RIN3: variants seen among roughly 807,000 people sequenced by gnomAD.
RIN3 encodes the protein RAB5 interacting protein 3.
RIN3 carries 54 observed loss-of-function variants against 76.3 expected under a neutral mutation model. That is an observed-to-expected ratio of 0.71 (90% confidence interval 0.57 to 0.89). The LOEUF (loss-of-function observed/expected upper bound fraction) is 0.89. Among genes scored for constraint, RIN3 ranks in the 40% least tolerant of loss-of-function variants. The pLI, the probability that RIN3 is intolerant of heterozygous loss-of-function variation, is 0.00. For missense variants in RIN3, 1,256 were observed against 1,322.1 expected (o/e 0.95, Z 0.78); for synonymous variants, 576 against 564.0 (o/e 1.02, Z -0.30).
At chr14:92,606,021 C>CCCTATT (rs1885514288) in intron 3 of RIN3, among the ~76,000 whole-genome samples, 1 of 151,648 alleles carries the variant, frequency 6.6e-6, no homozygotes, top group Admixed American at 6.6e-5. Context: ...GATGAAAAGA[C>CCCTATT]AAGGTCAGAT....
chr14:92,674,349 T>C (rs879720939), intron 7 of RIN3, among the ~76,000 whole-genome samples: 13 of 152,194 alleles, frequency 8.5e-5, no homozygotes, highest in Non-Finnish European at 5.9e-5. Flanking sequence ...AGCAGCCTCA[T>C]TGTTACAAGG....
At chr14:92,641,439 A>G in intron 5 of RIN3, 110 bp downstream of exon 5, 1 of 760,856 alleles carries the variant, frequency 1.3e-6, no homozygotes, top group East Asian at 2.6e-5. Context: ...CCCAGCTCCC[A>G]TGGGACCACC....
chr14:92,530,368 T>C (rs1300134319), intron 1 of RIN3, among the ~76,000 whole-genome samples: 1 of 152,236 alleles, frequency 6.6e-6, no homozygotes, highest in Non-Finnish European at 1.5e-5. Context: ...TTTCTGTGCT[T>C]CTAACAGAAA....
At chr14:92,521,961 G>A (rs568511246) in intron 1 of RIN3, among the ~76,000 whole-genome samples, 2 of 152,192 alleles carry the variant, frequency 1.3e-5, no homozygotes, top group South Asian at 4.2e-4. Context: ...GCAGAGAAGC[G>A]TATTGCAGAT....
chr14:92,585,630 T>G (rs948988408), intron 3 of RIN3, among the ~76,000 whole-genome samples: 1 of 152,136 alleles, frequency 6.6e-6, no homozygotes, highest in Non-Finnish European at 1.5e-5. Context: ...CAGGTTTTTT[T>G]GTTTGTTTGT....
intron 4 of RIN3, among the ~76,000 whole-genome samples, chr14:92,616,958 C>G (rs1036563186): frequency 4.6e-5 from 7 of 152,114 alleles, no homozygotes; most frequent in African/African-American, 1.7e-4. Flanking sequence ...TTGTTGGGGC[C>G]TAGTGCATGA....
In RIN3 at chr14:92,527,096, G is replaced by A. The variant is rs1205625342; in HGVS notation, c.44+13120G>A. 4.8e-5 allele frequency among the ~76,000 whole-genome samples: 7 copies of A among 145,844 alleles called. No homozygotes were observed. The East Asian group carries it at 1.2e-3, about 25-fold the overall frequency. ...GACAGAGTCTCGCTCTGTCCCCCAG[G>A]CTGGAGTGCAGTGGCACGATCTCAG... On this transcript the variant is annotated intron_variant, in intron 1 of 9. Transcript: ENST00000216487.
intron 4 of RIN3, 82 bp from the exon 5 acceptor site, chr14:92,641,156 A>G (rs1449621454): frequency 9.3e-7 from 1 of 1,080,586 alleles, no homozygotes; most frequent in African/African-American, 1.5e-5. Context: ...GCCAGCAGAG[A>G]TTGCCAGGGC....
At chr14:92,561,786 G>T (rs779729851) in intron 2 of RIN3, among the ~76,000 whole-genome samples, 2 of 152,178 alleles carry the variant, frequency 1.3e-5, no homozygotes, top group Non-Finnish European at 2.9e-5. Context: ...AGGCTCAAGT[G>T]ATTCTCCTGC....
chr14:92,576,393 G>T (rs1172543818), intron 2 of RIN3: 2 of 1,289,802 alleles, frequency 1.6e-6, no homozygotes. Context: ...TTAGTATTTG[G>T]TTTCTAGAGC....
At chr14:92,622,096 T>A (rs1379701311) in intron 4 of RIN3, among the ~76,000 whole-genome samples, 2 of 151,118 alleles carry the variant, frequency 1.3e-5, no homozygotes, top group Non-Finnish European at 2.9e-5. Context: ...ACCATCCCAC[T>A]TTCCCAGTAG....
chr14:92,577,372 C>A lies in RIN3; in HGVS notation c.262C>A (p.Arg88Ser). The A allele has an allele frequency of 6.2e-7, 1 of 1,612,874 alleles. No homozygotes were observed. Among genetic ancestry groups the A allele is most frequent in the South Asian group, 1.1e-5 (1 of 90,942 alleles). ...HRVVAGMFLV[R>S]RDSSSKQLVL... ...TCTTTGGTTTCAGATGTTCCTGGTTCGCCGGGACAGCAGCTCGAAGCAGCT... is the reference window on the plus strand; with the variant it reads ...TCTTTGGTTTCAGATGTTCCTGGTTAGCCGGGACAGCAGCTCGAAGCAGCT... The change falls in exon 3 of 10, where the codon CGC (arginine) becomes AGC (serine). Residue 88 changes from arginine (R) to serine (S), a missense_variant. Transcript: ENST00000216487.
chr14:92,575,946 A>G (rs1293566841), intron 2 of RIN3, among the ~76,000 whole-genome samples: 1 of 152,174 alleles, frequency 6.6e-6, no homozygotes, highest in African/African-American at 2.4e-5. Context: ...ACACTCAGAT[A>G]TCCCAGTGTC....
intron 1 of RIN3, among the ~76,000 whole-genome samples, chr14:92,523,063 G>T (rs775013888): frequency 4.6e-5 from 7 of 152,174 alleles, no homozygotes; most frequent in Non-Finnish European, 8.8e-5. Context: ...GCTACAGACT[G>T]CTTACCAGTT....
intron 1 of RIN3, among the ~76,000 whole-genome samples, chr14:92,519,309 G>GA (rs1031350698): frequency 5.3e-5 from 8 of 152,158 alleles, no homozygotes; most frequent in African/African-American, 1.9e-4. Flanking sequence ...GTTTTATTTT[G>GA]AAAAACCTAG....
intron 3 of RIN3, among the ~76,000 whole-genome samples, chr14:92,582,614 G>A (rs901709515): frequency 1.3e-5 from 2 of 151,878 alleles, no homozygotes; most frequent in Non-Finnish European, 2.9e-5. Flanking sequence ...CATCACGTCC[G>A]GCTAATTTTT....
intron 5 of RIN3, 75 bp downstream of exon 5, chr14:92,641,404 G>A (rs1040979264): frequency 1.3e-5 from 15 of 1,138,318 alleles, no homozygotes; most frequent in South Asian, 6.3e-5. Flanking sequence ...CCCAGGGGCC[G>A]CCTGTGCAGA....
At position 92,577,495 on chromosome 14, in the gene RIN3, CTG is replaced by C; in HGVS notation, c.367+20_367+21del. 1 of 1,535,376 alleles carries C rather than the reference CTG, an allele frequency of 6.5e-7. No homozygotes were observed. Among genetic ancestry groups the C allele is most frequent in the African/African-American group, 1.4e-5 (1 of 73,506 alleles). On this transcript the variant is annotated intron_variant, in intron 3 of 9. Transcript: ENST00000216487. ...AAAGTCGAGTAAGTACCCATCTTCT[CTG>C]TTTTCACTTTGACCACGCGGCAGCA...
At chr14:92,616,713 T>C (rs1308185564) in intron 4 of RIN3, among the ~76,000 whole-genome samples, 1 of 152,202 alleles carries the variant, frequency 6.6e-6, no homozygotes, top group Non-Finnish European at 1.5e-5. Flanking sequence ...GGTTGGTGTA[T>C]TCACCTGCAA....
Sources: gnomAD v4.1 joint callset for allele counts (sites outside exome capture counted in the v4.1 genomes callset) on GRCh38, gnomAD v4.1.1 for gene constraint, MANE v1.5 for transcripts, NCBI Gene and HGNC (gene_info 2026-07-23, HGNC 2026-07-21) for gene names.